GPC5: variants seen among roughly 807,000 people sequenced by gnomAD.
GPC5 encodes the protein glypican 5.
GPC5 carries 47 observed loss-of-function variants against 53.9 expected under a neutral mutation model. The ratio of observed to expected loss-of-function variants is 0.87; its 90% CI spans 0.69 to 1.11. The LOEUF (loss-of-function observed/expected upper bound fraction) is 1.11. Ranked by LOEUF, GPC5 falls within the 50% of genes most tolerant of loss-of-function variation. The pLI is 0.00. For missense variants in GPC5, 748 were observed against 713.1 expected (o/e 1.05, Z -0.56); for synonymous variants, 286 against 263.3 (o/e 1.09, Z -0.84).
At chr13:92,557,989 G>A (rs992873621) in intron 7 of GPC5, among the ~76,000 whole-genome samples, 1 of 151,924 alleles carries the variant, frequency 6.6e-6, no homozygotes. Context: ...AGATAAAAAG[G>A]AAATGATAAA....
intron 6 of GPC5, among the ~76,000 whole-genome samples, chr13:92,070,038 G>A (rs1357081128): frequency 6.6e-6 from 1 of 152,158 alleles, no homozygotes; most frequent in African/African-American, 2.4e-5. Context: ...CTTAAAAGCT[G>A]AGACCATGCT....
Position 91,814,525 on chromosome 13 carries a change from C to CTTTATTTATTTATTTATTTA in GPC5, c.1280+58117_1280+58136dup, listed in dbSNP as rs140584837. 4.5e-4 allele frequency among the ~76,000 whole-genome samples: 68 copies of CTTTATTTATTTATTTATTTA among 151,078 alleles called. 1 individual carries two copies. The highest frequency in any genetic ancestry group is 3.4e-3 in the Middle Eastern group (1 of 294). ...GTTTTTGATCATATGTATTCTGCAA[C>CTTTATTTATTTATTTATTTA]TTTATTTATTTATTTATTTATTTAT... is the stretch of plus-strand genomic sequence containing the variant. On this transcript the variant is annotated intron_variant, in intron 5 of 7. Coordinates refer to ENST00000377067, the MANE Select transcript of GPC5 (RefSeq NM_004466.6).
chr13:91,646,298 C>G (rs1000163237), intron 2 of GPC5, among the ~76,000 whole-genome samples: 1 of 151,632 alleles, frequency 6.6e-6, no homozygotes, highest in African/African-American at 2.4e-5. Flanking sequence ...GAAAAGGAAC[C>G]CTTCTTATGG....
chr13:92,100,692 A>G (rs1313323811), intron 6 of GPC5, among the ~76,000 whole-genome samples: 2 of 152,216 alleles, frequency 1.3e-5, no homozygotes, highest in African/African-American at 2.4e-5. Context: ...AAATACAAGG[A>G]TATTGTAGTC....
chr13:91,647,108 TG>T (rs2034579153), intron 2 of GPC5, among the ~76,000 whole-genome samples: 1 of 131,766 alleles, frequency 7.6e-6, no homozygotes, highest in Non-Finnish European at 1.6e-5. Flanking sequence ...TGTGTGTGTG[TG>T]TGTGAAATAC....
chr13:92,419,754 A>G (rs1350348134), intron 7 of GPC5, among the ~76,000 whole-genome samples: 1 of 152,200 alleles, frequency 6.6e-6, no homozygotes, highest in Non-Finnish European at 1.5e-5. Context: ...AAAGGGAAAG[A>G]TTAATGTATT....
intron 2 of GPC5, among the ~76,000 whole-genome samples, chr13:91,500,642 T>G (rs988948578): frequency 2.0e-5 from 3 of 152,204 alleles, no homozygotes; most frequent in African/African-American, 7.2e-5. Context: ...CTGGAGATTT[T>G]ATTTATTTAT....
rs147238830 is a variant in GPC5 at position 92,022,028 on chromosome 13, C to G, written c.1401+113971C>G. ...TTTATTTATTTTTTTCAGACAGAGT[C>G]TCGGTCTGTTGCCCAGGCTGGAGTG... On this transcript the variant is annotated intron_variant, in intron 6 of 7. Coordinates refer to ENST00000377067, the MANE Select transcript of GPC5 (RefSeq NM_004466.6). Among the ~76,000 whole-genome samples the G allele has an allele frequency of 2.9e-4, 44 of 152,140 alleles. 1 individual carries two copies. Among genetic ancestry groups the G allele is most frequent in the African/African-American group, 9.6e-4 (40 of 41,526 alleles).
At chr13:91,743,570 G>A (rs774290648) in intron 4 of GPC5, among the ~76,000 whole-genome samples, 1 of 152,144 alleles carries the variant, frequency 6.6e-6, no homozygotes, top group Non-Finnish European at 1.5e-5. Context: ...GGGAAAATGG[G>A]AAGCAGGAAG....
At chr13:91,780,816 C>G (rs1022606159) in intron 5 of GPC5, among the ~76,000 whole-genome samples, 5 of 152,146 alleles carry the variant, frequency 3.3e-5, no homozygotes, top group African/African-American at 1.2e-4. Context: ...AAGGTCAACG[C>G]CACAAGTAGA....
intron 7 of GPC5, among the ~76,000 whole-genome samples, chr13:92,223,174 A>T (rs1403256221): frequency 6.6e-6 from 1 of 152,176 alleles, no homozygotes; most frequent in Non-Finnish European, 1.5e-5. Context: ...AGCATAAACG[A>T]GTTTACACTT....
At chr13:91,640,722 C>T (rs900393685) in intron 2 of GPC5, among the ~76,000 whole-genome samples, 11 of 151,692 alleles carry the variant, frequency 7.3e-5, no homozygotes, top group Non-Finnish European at 7.4e-5. Flanking sequence ...TCGCTTGAAC[C>T]TGGGAGGTGG....
At chr13:92,522,314 C>A (rs532858994) in intron 7 of GPC5, among the ~76,000 whole-genome samples, 84 of 152,266 alleles carry the variant, frequency 5.5e-4, no homozygotes, top group Admixed American at 1.7e-3. Context: ...AAAACACATG[C>A]ACACGTATGT....
intron 2 of GPC5, among the ~76,000 whole-genome samples, chr13:91,571,377 C>G (rs2031772290): frequency 6.6e-6 from 1 of 152,092 alleles, no homozygotes; most frequent in South Asian, 2.1e-4. Context: ...TGGTCATTAA[C>G]AGAGAATGTA....
chr13:91,864,012 G>A (rs1001509508), intron 5 of GPC5, among the ~76,000 whole-genome samples: 4 of 152,152 alleles, frequency 2.6e-5, no homozygotes, highest in Non-Finnish European at 5.9e-5. Context: ...TATGTCTAAA[G>A]ACTATGTCTG....
At position 91,962,578 on chromosome 13, in the gene GPC5, C is replaced by CTA. The variant is rs1356243562; in HGVS notation, c.1401+54527_1401+54528dup. Among the ~76,000 whole-genome samples the CTA allele has an allele frequency of 2.6e-5, 4 of 152,028 alleles. 1 individual carries two copies. The South Asian group carries it at 8.3e-4, about 32-fold the overall frequency. ...CAGTCTTAGTATTAGTTTAATGTAC[C>CTA]TATATATTCTCACCCATACCTTCAA... On this transcript the variant is annotated intron_variant, in intron 6 of 7. Transcript: ENST00000377067.
At chr13:92,438,593 C>G (rs1453878312) in intron 7 of GPC5, among the ~76,000 whole-genome samples, 2 of 151,866 alleles carry the variant, frequency 1.3e-5, no homozygotes, top group East Asian at 3.9e-4. Context: ...GTAATCCTGG[C>G]TTTAACATTC....
chr13:91,582,419 ACAG>A (rs987188704), intron 2 of GPC5, among the ~76,000 whole-genome samples: 10 of 152,208 alleles, frequency 6.6e-5, no homozygotes, highest in African/African-American at 2.2e-4. Flanking sequence ...CAAACAAACA[ACAG>A]CAGCAACAAC....
intron 7 of GPC5, among the ~76,000 whole-genome samples, chr13:92,710,132 G>T (rs1888084252): frequency 6.6e-6 from 1 of 152,128 alleles, no homozygotes; most frequent in African/African-American, 2.4e-5. Flanking sequence ...CGTTTTAATT[G>T]TCATAATAGT....
Sources: gnomAD v4.1 joint callset for allele counts (sites outside exome capture counted in the v4.1 genomes callset) on GRCh38, gnomAD v4.1.1 for gene constraint, MANE v1.5 for transcripts, NCBI Gene and HGNC (gene_info 2026-07-23, HGNC 2026-07-21) for gene names.